Variants in ZNF736 observed in about 807,000 individuals in gnomAD.
ZNF736 encodes the protein KRAB-containing zinc-finger repressor protein.
A neutral mutation model predicts 11.7 loss-of-function variants in ZNF736; 6 were observed. The ratio of observed to expected loss-of-function variants is 0.51; its 90% CI spans 0.28 to 1.01. The LOEUF is 1.01. ZNF736 is among the 50% of genes least tolerant of loss of function. The pLI, the probability that ZNF736 is intolerant of heterozygous loss-of-function variation, is 0.09. For missense variants in ZNF736, 444 were observed against 496.0 expected (o/e 0.90, Z 1.00); for synonymous variants, 139 against 164.7 (o/e 0.84, Z 1.19).
At chr7:64,340,045 C>T (rs1789316016) in intron 3 of ZNF736, among the ~76,000 whole-genome samples, 1 of 152,064 alleles carries the variant, frequency 6.6e-6, no homozygotes, top group Non-Finnish European at 1.5e-5. Flanking sequence ...GTTGTTAATC[C>T]TGTCTTATTT....
In ZNF736 at chr7:64,349,132, G is replaced by A; in HGVS notation, c.1269G>A (p.Lys423=). Reference sequence around the variant, plus strand: ...ATAAGAGAATTCATACTAGAGAGAAGCTCCACAAGTGTTAAAAATGTGGAA... The same window carrying A: ...ATAAGAGAATTCATACTAGAGAGAAACTCCACAAGTGTTAAAAATGTGGAA... ...IRHKRIHTRE[K]LHKC Residue 423 remains lysine (K), a synonymous_variant, in exon 4 of 4, where the codon AAG becomes AAA. Transcript: ENST00000423484. 6.5e-7 allele frequency: 1 copy of A among 1,541,716 alleles called. No individual in the cohort carries two copies. Among genetic ancestry groups the A allele is most frequent in the Middle Eastern group, 1.7e-4 (1 of 5,824 alleles).
intron 1 of ZNF736, among the ~76,000 whole-genome samples, chr7:64,323,749 A>G (rs943060165): frequency 6.6e-6 from 1 of 152,152 alleles, no homozygotes; most frequent in African/African-American, 2.4e-5. Context: ...GGGGCGGGGA[A>G]AGCATCAGGA....
At chr7:64,318,240 T>C (rs1025069995) in intron 1 of ZNF736, among the ~76,000 whole-genome samples, 2 of 151,990 alleles carry the variant, frequency 1.3e-5, no homozygotes, top group African/African-American at 4.8e-5. Context: ...TAAACTTGTA[T>C]TTAAAAATTA....
chr7:64,325,537 T>A (rs1039719749), intron 1 of ZNF736, among the ~76,000 whole-genome samples: 4 of 152,218 alleles, frequency 2.6e-5, no homozygotes, highest in Admixed American at 1.3e-4. Context: ...TTAAAATGCC[T>A]ACTGGAAATC....
chr7:64,349,435 G>C lies in ZNF736; in HGVS notation c.*288G>C, dbSNP rs1373092051. The C allele has an allele frequency of 7.6e-6, 2 of 263,640 alleles. No individual in the cohort carries two copies. Among genetic ancestry groups the C allele is most frequent in the Non-Finnish European group, 1.4e-5 (2 of 140,300 alleles). The allele number at this position is 263,640 out of a possible 1,614,324, so 16.3% of individuals were successfully genotyped here. On this transcript the variant is annotated 3_prime_UTR_variant, in exon 4 of 4. Transcript: ENST00000423484. ...TTCCTGTTTTCTATTTGCTTGGTAG[G>C]CTTTTCTTTTTCCCTTTATTTTGAG...
Position 64,350,335 on chromosome 7 carries a change from G to C in ZNF736, c.*1188G>C, listed in dbSNP as rs1381978371. ...GCCCTGAGATTCTTTCCTCTGCTTG[G>C]CCTATTCTGCTGTTAATATATGTGA... On this transcript the variant is annotated 3_prime_UTR_variant, in exon 4 of 4. Transcript: ENST00000423484. 6.6e-6 allele frequency: 1 copy of C among 152,006 alleles called. No individual in the cohort carries two copies. The highest frequency in any genetic ancestry group is 1.5e-5 in the Non-Finnish European group (1 of 68,026). 9.4% of individuals were successfully genotyped at this position (152,006 alleles called of 1,614,324 possible). A position where few individuals can be genotyped will look rare whatever the true frequency, so the allele number is the denominator to read the frequency against.
At chr7:64,345,735 A>AAAAC (rs2115961313) in intron 3 of ZNF736, among the ~76,000 whole-genome samples, 1 of 148,640 alleles carries the variant, frequency 6.7e-6, no homozygotes, top group Non-Finnish European at 1.5e-5. Flanking sequence ...TCCATCTTAA[A>AAAAC]AAAAAAAAAA....
At chr7:64,319,315 ATGTG>A (rs1163181565) in intron 1 of ZNF736, among the ~76,000 whole-genome samples, 1 of 82,758 alleles carries the variant, frequency 1.2e-5, no homozygotes, top group African/African-American at 4.9e-5. Flanking sequence ...GTGTATATGT[ATGTG>A]TGTGTGTGTA....
intron 3 of ZNF736, among the ~76,000 whole-genome samples, chr7:64,341,440 C>T (rs1789336482): frequency 6.6e-6 from 1 of 152,040 alleles, no homozygotes; most frequent in African/African-American, 2.4e-5. Flanking sequence ...TTTTTTAGTG[C>T]TTCACAAACA....
intron 1 of ZNF736, 84 bp from the exon 2 acceptor site, chr7:64,336,175 C>T: frequency 1.3e-6 from 2 of 1,487,656 alleles, no homozygotes; most frequent in Non-Finnish European, 1.8e-6. Flanking sequence ...TAAGTCAGAA[C>T]CAGCTATCTT....
At position 64,313,984 on chromosome 7, in the gene ZNF736, C is replaced by T. The variant is rs936204942; in HGVS notation, c.-167C>T. On this transcript the variant is annotated 5_prime_UTR_variant, in exon 1 of 4. Coordinates refer to ENST00000423484, the MANE Select transcript of ZNF736 (RefSeq NM_001170905.3). ...AGGCGGCCTCTTCAATATGGCGGGG[C>T]CTTTGTCTCCTAGCTTCCGGGCTCT... 6.9e-6 allele frequency: 6 copies of T among 863,722 alleles called. No individual in the cohort carries two copies. The highest frequency in any genetic ancestry group is 5.0e-5 in the African/African-American group (3 of 59,910). The allele number at this position is 863,722 out of a possible 1,614,324, so 53.5% of individuals were successfully genotyped here.
intron 1 of ZNF736, among the ~76,000 whole-genome samples, chr7:64,320,452 T>C: frequency 6.6e-6 from 1 of 152,320 alleles, no homozygotes. Context: ...ATGTATGTAA[T>C]GTTTTTTTGC....
chr7:64,330,236 A>T (rs186592991), intron 1 of ZNF736, among the ~76,000 whole-genome samples: 183 of 151,930 alleles, frequency 1.2e-3, no homozygotes, highest in Non-Finnish European at 1.9e-3. Context: ...GGCTCACTGC[A>T]AGCTCCGCCT....
In ZNF736 at chr7:64,352,158, G is replaced by A. The variant is rs149566253; in HGVS notation, c.*3011G>A. On this transcript the variant is annotated 3_prime_UTR_variant, in exon 4 of 4. Transcript: ENST00000423484. ...AGAACAGGCACTCACGTAACAGTCC[G>A]ACCACTTCTGAAGGGCTGCTGCAGT... is the stretch of plus-strand genomic sequence containing the variant. 824 of 152,322 alleles carry A rather than the reference G, an allele frequency of 5.4e-3. 9 individuals are homozygous for A. Among genetic ancestry groups the A allele is most frequent in the African/African-American group, 0.018 (754 of 41,520 alleles). 9.4% of individuals were successfully genotyped at this position (152,322 alleles called of 1,614,324 possible).
Position 64,348,093 on chromosome 7 carries a change from GTTC to G in ZNF736, c.233_235del (p.Ser78del). ...GAATTTTATTTTTTTTCTCCAGCTG[GTTC>G]TTTTCATTTTACTGCAGAGATATTG... On this transcript the variant is annotated inframe_deletion, in exon 4 of 4. Coordinates refer to ENST00000423484, the MANE Select transcript of ZNF736 (RefSeq NM_001170905.3). 1 of 1,499,694 alleles carries G rather than the reference GTTC, an allele frequency of 6.7e-7. No individual in the cohort carries two copies. Among genetic ancestry groups the G allele is most frequent in the Non-Finnish European group, 8.9e-7 (1 of 1,128,602 alleles). 92.9% of individuals were successfully genotyped at this position (1,499,694 alleles called of 1,614,324 possible).
In ZNF736 at chr7:64,352,976, G is replaced by A. The variant is rs897319347; in HGVS notation, c.*3829G>A. On this transcript the variant is annotated 3_prime_UTR_variant, in exon 4 of 4. Coordinates refer to ENST00000423484, the MANE Select transcript of ZNF736 (RefSeq NM_001170905.3). ...CCCTGGATTCTGCCTCTTTCCTATG[G>A]GTATGTTCAGGGGTGTAACCTGCTT... The A allele has an allele frequency of 6.6e-6, 1 of 152,268 alleles. No individual in the cohort carries two copies. The highest frequency in any genetic ancestry group is 1.5e-5 in the Non-Finnish European group (1 of 68,154). 9.4% of individuals were successfully genotyped at this position (152,268 alleles called of 1,614,324 possible).
At chr7:64,347,427 T>C (rs986506888) in intron 3 of ZNF736, among the ~76,000 whole-genome samples, 2 of 152,044 alleles carry the variant, frequency 1.3e-5, no homozygotes, top group Non-Finnish European at 2.9e-5. Context: ...GGTTTCACCA[T>C]GTTGGCCTGT....
At position 64,349,070 on chromosome 7, in the gene ZNF736, G is replaced by A. The variant is rs187090196; in HGVS notation, c.1207G>A (p.Gly403Ser). The A allele has an allele frequency of 4.9e-5, 79 of 1,605,136 alleles. 1 individual carries two copies. The African/African-American group carries it at 9.1e-4, about 18-fold the overall frequency. ...GAAACCCTACAAATGTGAAGAATGTGGCAAAGCATCGAGCTGGTTCTCACA... is the reference window on the plus strand; with the variant it reads ...GAAACCCTACAAATGTGAAGAATGTAGCAAAGCATCGAGCTGGTTCTCACA... Reference protein sequence around the residue: ...GEKPYKCEECGKASSWFSHLI... With the variant: ...GEKPYKCEECSKASSWFSHLI... Residue 403 changes from glycine (G) to serine (S), a missense_variant, in exon 4 of 4, where the codon GGC becomes AGC. Gly to Ser is a moderately conservative substitution (Grantham distance 56). Coordinates refer to ENST00000423484, the MANE Select transcript of ZNF736 (RefSeq NM_001170905.3).
intron 1 of ZNF736, among the ~76,000 whole-genome samples, chr7:64,331,504 A>T (rs1789165422): frequency 6.6e-6 from 1 of 152,148 alleles, no homozygotes; most frequent in Non-Finnish European, 1.5e-5. Flanking sequence ...TTTGATGCTA[A>T]AACTAGGTCC....
Sources: gnomAD v4.1 joint callset for allele counts (sites outside exome capture counted in the v4.1 genomes callset) on GRCh38, gnomAD v4.1.1 for gene constraint, MANE v1.5 for transcripts, NCBI Gene and HGNC (gene_info 2026-07-23, HGNC 2026-07-21) for gene names.